OSBPL1A: variants seen among roughly 807,000 people sequenced by gnomAD.
OSBPL1A encodes oxysterol binding protein like 1A, also known as oxysterol-binding protein-related protein 1.
A neutral mutation model predicts 137.1 loss-of-function variants in OSBPL1A; 80 were observed. The observed-to-expected ratio is 0.58, with a 90% confidence interval of 0.49 to 0.70. The LOEUF (loss-of-function observed/expected upper bound fraction) is 0.70, where lower values mean the gene tolerates loss of function less well. Ranked by LOEUF, OSBPL1A falls within the 30% of genes least tolerant of loss-of-function variation. The pLI is 0.00. For synonymous variants in OSBPL1A, 365 were observed against 389.7 expected (o/e 0.94, Z 0.75); for missense variants, 970 against 1,129.4 (o/e 0.86, Z 2.02).
chr18:24,165,820 G>A (rs2086133096), intron 26 of OSBPL1A, among the ~76,000 whole-genome samples: 1 of 152,208 alleles, frequency 6.6e-6, no homozygotes, highest in Non-Finnish European at 1.5e-5. Flanking sequence ...AAATGGGCTG[G>A]GTACAGTGGC....
chr18:24,375,192 G>A (rs1394217324), intron 2 of OSBPL1A, among the ~76,000 whole-genome samples: 1 of 151,758 alleles, frequency 6.6e-6, no homozygotes, highest in Non-Finnish European at 1.5e-5. Flanking sequence ...GCATGTGCTT[G>A]TAGTCCCAAC....
intron 1 of OSBPL1A, among the ~76,000 whole-genome samples, chr18:24,385,722 T>C (rs1906921396): frequency 6.6e-6 from 1 of 152,086 alleles, no homozygotes; most frequent in African/African-American, 2.4e-5. Flanking sequence ...GTATCTCCAG[T>C]GGAATTCAGA....
intron 13 of OSBPL1A, among the ~76,000 whole-genome samples, chr18:24,305,876 T>C (rs981703841): frequency 6.6e-6 from 1 of 152,190 alleles, no homozygotes; most frequent in African/African-American, 2.4e-5. Context: ...CCTGCTGCCA[T>C]GTAAGACATG....
At chr18:24,275,374 C>T (rs1472509507) in intron 15 of OSBPL1A, among the ~76,000 whole-genome samples, 1 of 152,066 alleles carries the variant, frequency 6.6e-6, no homozygotes, top group Non-Finnish European at 1.5e-5. Flanking sequence ...GAGCCATATA[C>T]AGTGACTACC....
chr18:24,222,244 C>A lies in OSBPL1A; in HGVS notation c.1601+2798G>T, dbSNP rs548057459. Among the ~76,000 whole-genome samples the A allele has an allele frequency of 7.2e-5, 11 of 152,134 alleles. No individual in the cohort carries two copies. The South Asian group carries it at 1.7e-3, about 23-fold the overall frequency. ...AAATGTTTAAAATCTATTAGGTTGA[C>A]CATATGGTTTACTCCTTTAATCTAT... On this transcript the variant is annotated intron_variant, in intron 17 of 27. Transcript: ENST00000319481.
intron 7 of OSBPL1A, among the ~76,000 whole-genome samples, chr18:24,331,671 C>A (rs2091081147): frequency 6.6e-6 from 1 of 150,810 alleles, no homozygotes; most frequent in African/African-American, 2.5e-5. Context: ...GCTGGGATTA[C>A]AGGCATGAGC....
At chr18:24,386,039 C>T (rs138005257) in intron 1 of OSBPL1A, among the ~76,000 whole-genome samples, 4 of 152,148 alleles carry the variant, frequency 2.6e-5, no homozygotes, top group Admixed American at 1.3e-4. Context: ...GGTTAAGGGG[C>T]AGGGAGCCAG....
intron 18 of OSBPL1A, among the ~76,000 whole-genome samples, chr18:24,185,418 C>T (rs375972608): frequency 1.3e-5 from 2 of 150,894 alleles, no homozygotes; most frequent in African/African-American, 2.4e-5. Flanking sequence ...CTCCTGGGTT[C>T]GAGCAATTCT....
intron 18 of OSBPL1A, 127 bp from the exon 19 acceptor site, chr18:24,181,406 T>C: frequency 1.9e-6 from 2 of 1,039,260 alleles, no homozygotes; most frequent in East Asian, 2.6e-5. Context: ...ATTTCATCAA[T>C]ATTGGTTCAA....
In OSBPL1A at chr18:24,223,666, T is replaced by A. The variant is rs2145985609; in HGVS notation, c.1601+1376A>T. 2.0e-5 allele frequency among the ~76,000 whole-genome samples: 3 copies of A among 152,274 alleles called. No individual in the cohort carries two copies. In the South Asian group the frequency reaches 6.2e-4, roughly 32 times the overall value. The stretch of plus-strand genomic sequence containing the variant: ...TATGGTATAATATAATTCTGTCAAA[T>A]GCAAAATAACTACTGTCATGATTAT... On this transcript the variant is annotated intron_variant, in intron 17 of 27. Transcript: ENST00000319481.
intron 4 of OSBPL1A, 40 bp downstream of exon 4, chr18:24,366,852 A>C: frequency 6.3e-7 from 1 of 1,579,728 alleles, no homozygotes; most frequent in South Asian, 1.1e-5. Flanking sequence ...ACTCCTCCAA[A>C]TACCTCACTT....
At chr18:24,175,334 T>C (rs1466216557) in intron 21 of OSBPL1A, among the ~76,000 whole-genome samples, 1 of 151,152 alleles carries the variant, frequency 6.6e-6, no homozygotes, top group Non-Finnish European at 1.5e-5. Context: ...TATAGGTGCA[T>C]GTCACCAAAC....
At chr18:24,226,585 G>T (rs1355371134) in intron 16 of OSBPL1A, among the ~76,000 whole-genome samples, 1 of 152,086 alleles carries the variant, frequency 6.6e-6, no homozygotes, top group Non-Finnish European at 1.5e-5. Flanking sequence ...AGCTAAACTG[G>T]TCAGGAAATA....
rs147003951 is a variant in OSBPL1A, at chr18:24,318,577, A to T, written c.732+24T>A. On this transcript the variant is annotated intron_variant, in intron 9 of 27. Transcript: ENST00000319481. ...TGAGAATTATTCTTTACAGTTATAT[A>T]ATTAAAAAACCACCTCAACTTACCT... 382 of 1,583,604 alleles carry T rather than the reference A, an allele frequency of 2.4e-4. 4 individuals carry two copies. The East Asian group carries it at 7.8e-3, about 32-fold the overall frequency.
rs1285461120 is a variant in OSBPL1A, at chr18:24,324,070, A to G, written c.626-5261T>C. On this transcript the variant is annotated intron_variant, in intron 7 of 27. Transcript: ENST00000319481. Reference sequence around the variant, plus strand: ...ACTCATTTGGGTAAAAAAAAAAAAAAAAATTAGCCAGGAGTGGTGGTGAGC... The same window carrying G: ...ACTCATTTGGGTAAAAAAAAAAAAAGAAATTAGCCAGGAGTGGTGGTGAGC... Among the ~76,000 whole-genome samples the G allele has an allele frequency of 2.4e-5, 2 of 84,326 alleles. 1 individual carries two copies. The highest frequency in any genetic ancestry group is 4.1e-4 in the East Asian group (2 of 4,878). 55.3% of individuals were successfully genotyped at this position (84,326 alleles called of 152,430 possible). A position where few individuals can be genotyped will look rare whatever the true frequency, so the allele number is the denominator to read the frequency against.
At chr18:24,229,654 A>G (rs1479881682) in intron 16 of OSBPL1A, among the ~76,000 whole-genome samples, 4 of 152,246 alleles carry the variant, frequency 2.6e-5, no homozygotes, top group Non-Finnish European at 5.9e-5. Flanking sequence ...TGCTGATGAA[A>G]GTCAAAGCCT....
At chr18:24,318,532 T>C (rs1467183820) in intron 9 of OSBPL1A, 69 bp downstream of exon 9, 2 of 1,336,126 alleles carry the variant, frequency 1.5e-6, no homozygotes, top group African/African-American at 3.0e-5. Flanking sequence ...TTTAAAAGTT[T>C]TAAACAGAAA....
intron 21 of OSBPL1A, among the ~76,000 whole-genome samples, chr18:24,175,819 G>A (rs2145917145): frequency 6.6e-6 from 1 of 152,286 alleles, no homozygotes; most frequent in Non-Finnish European, 1.5e-5. Flanking sequence ...AAAGGCGTGA[G>A]GTCTAGTTTG....
At chr18:24,381,899 T>C (rs1022910299) in intron 1 of OSBPL1A, among the ~76,000 whole-genome samples, 1 of 151,104 alleles carries the variant, frequency 6.6e-6, no homozygotes, top group African/African-American at 2.4e-5. Context: ...AGGCAGAGGT[T>C]GCAGTGAGTA....
Sources: gnomAD v4.1 joint callset for allele counts (sites outside exome capture counted in the v4.1 genomes callset) on GRCh38, gnomAD v4.1.1 for gene constraint, MANE v1.5 for transcripts, NCBI Gene and HGNC (gene_info 2026-07-23, HGNC 2026-07-21) for gene names.